Variants in TIAM1 observed in about 807,000 individuals in gnomAD.
TIAM1 encodes the protein TIAM Rac1 associated GEF 1, also known as rho guanine nucleotide exchange factor TIAM1.
In TIAM1, 65 loss-of-function variants were observed where a neutral mutation model predicts 163.5. That is an observed-to-expected ratio of 0.40 (90% confidence interval 0.33 to 0.49). The LOEUF is 0.49. Ranked by LOEUF, TIAM1 falls within the 20% of genes least tolerant of loss-of-function variation. The pLI is 0.77. For missense variants in TIAM1, 1,789 were observed against 2,044.7 expected (o/e 0.87, Z 2.41); for synonymous variants, 833 against 810.1 (o/e 1.03, Z -0.48).
At chr21:31,465,940 T>A (rs2045516306) in intron 1 of TIAM1, among the ~76,000 whole-genome samples, 1 of 152,164 alleles carries the variant, frequency 6.6e-6, no homozygotes, top group Admixed American at 6.5e-5. Flanking sequence ...TCTCCTGACC[T>A]TGTGATCCGC....
At chr21:31,400,656 C>T (rs1313354192) in intron 2 of TIAM1, among the ~76,000 whole-genome samples, 4 of 152,188 alleles carry the variant, frequency 2.6e-5, no homozygotes, top group Non-Finnish European at 5.9e-5. Flanking sequence ...CAAAGAACTT[C>T]GTTACCAAAG....
At chr21:31,320,488 T>C (rs1214024235) in intron 2 of TIAM1, among the ~76,000 whole-genome samples, 1 of 152,100 alleles carries the variant, frequency 6.6e-6, no homozygotes, top group African/African-American at 2.4e-5. Flanking sequence ...TGAATATCAT[T>C]AGTCAAAAAA....
chr21:31,129,146 C>T (rs1361817828), intron 25 of TIAM1, among the ~76,000 whole-genome samples: 1 of 152,216 alleles, frequency 6.6e-6, no homozygotes, highest in East Asian at 1.9e-4. Flanking sequence ...TTCCATTTGA[C>T]TCTCCAGAGA....
At chr21:31,440,852 G>A (rs772605694) in intron 2 of TIAM1, among the ~76,000 whole-genome samples, 1 of 152,208 alleles carries the variant, frequency 6.6e-6, no homozygotes, top group African/African-American at 2.4e-5. Flanking sequence ...TTGCACTCCA[G>A]CCTGGCAACA....
chr21:31,470,136 CT>C (rs1387718528), intron 1 of TIAM1, among the ~76,000 whole-genome samples: 11 of 150,360 alleles, frequency 7.3e-5, no homozygotes, highest in Admixed American at 6.6e-4. Flanking sequence ...TCTCAAGTAG[CT>C]GGGACTACAG....
chr21:31,422,243 T>C (rs957494727), intron 2 of TIAM1, among the ~76,000 whole-genome samples: 6 of 152,168 alleles, frequency 3.9e-5, no homozygotes, highest in Non-Finnish European at 1.5e-5. Flanking sequence ...AGAGGGATTA[T>C]TGAGAGGAGA....
At chr21:31,213,866 C>CAAAAAAAAAAAAAAAAAAAAAAA (rs35524539) in intron 9 of TIAM1, among the ~76,000 whole-genome samples, 2 of 54,848 alleles carry the variant, frequency 3.6e-5, no homozygotes, top group African/African-American at 1.2e-4. Context: ...CTCATCTCTA[C>CAAAAAAAAAAAAAAAAAAAAAAA]AAAAAAAAAA....
intron 2 of TIAM1, among the ~76,000 whole-genome samples, chr21:31,390,164 T>C (rs1295830443): frequency 1.3e-5 from 2 of 152,220 alleles, no homozygotes; most frequent in African/African-American, 2.4e-5. Flanking sequence ...TGCAGTATTA[T>C]GGACATAATG....
At chr21:31,307,903 G>A (rs2074777067) in intron 2 of TIAM1, among the ~76,000 whole-genome samples, 2 of 152,108 alleles carry the variant, frequency 1.3e-5, no homozygotes, top group South Asian at 4.2e-4. Flanking sequence ...TAAAAGGATG[G>A]GGAGAAGAGA....
intron 2 of TIAM1, among the ~76,000 whole-genome samples, chr21:31,436,442 T>C (rs144748500): frequency 6.6e-6 from 1 of 151,878 alleles, no homozygotes; most frequent in East Asian, 1.9e-4. Context: ...ACCTGGCCAA[T>C]ATGGTGAAAC....
chr21:31,323,173 A>C (rs933070386), intron 2 of TIAM1, among the ~76,000 whole-genome samples: 15 of 152,032 alleles, frequency 9.9e-5, no homozygotes, highest in African/African-American at 3.4e-4. Context: ...CTGTAGTCCC[A>C]GCTACTCGGG....
At chr21:31,495,498 A>ATGG in intron 1 of TIAM1, among the ~76,000 whole-genome samples, 1 of 152,308 alleles carries the variant, frequency 6.6e-6, no homozygotes, top group East Asian at 1.9e-4. Flanking sequence ...AGGAGCCTCC[A>ATGG]CGGCAGAGGA....
intron 1 of TIAM1, among the ~76,000 whole-genome samples, chr21:31,548,150 T>C (rs1490321372): frequency 1.4e-5 from 2 of 144,954 alleles, no homozygotes; most frequent in African/African-American, 5.1e-5. Context: ...TTTTTTTTTT[T>C]TTTTTTGCTG....
intron 4 of TIAM1, among the ~76,000 whole-genome samples, chr21:31,256,275 G>A (rs1455536350): frequency 1.3e-5 from 2 of 152,158 alleles, no homozygotes; most frequent in Non-Finnish European, 2.9e-5. Flanking sequence ...AATGCAATTA[G>A]CCAGAAAGTG....
In TIAM1 at chr21:31,141,568, C is replaced by T; in HGVS notation, c.3476-64G>A. On this transcript the variant is annotated intron_variant, in intron 20 of 27. Transcript: ENST00000541036. The surrounding 1 kb of genome is among the most constrained non-coding windows in gnomAD (Gnocchi z 4.7). ...CCACGTGACTCCCTTCCCACAATTT[C>T]CCTCCCTTCCTCAGTGACTCCAAGG... is the stretch of plus-strand genomic sequence containing the variant. The T allele has an allele frequency of 5.7e-6, 9 of 1,570,764 alleles. No homozygotes were observed. Among genetic ancestry groups the T allele is most frequent in the Non-Finnish European group, 7.8e-6 (9 of 1,155,044 alleles).
At chr21:31,298,835 G>A (rs1043392749) in intron 2 of TIAM1, among the ~76,000 whole-genome samples, 19 of 143,516 alleles carry the variant, frequency 1.3e-4, no homozygotes, top group East Asian at 6.2e-4. Flanking sequence ...AAAAACAGAT[G>A]GAGAGAGAAC....
At chr21:31,416,128 C>T (rs1000478808) in intron 2 of TIAM1, among the ~76,000 whole-genome samples, 1 of 151,214 alleles carries the variant, frequency 6.6e-6, no homozygotes, top group Non-Finnish European at 1.5e-5. Context: ...GGGGCTCTCT[C>T]TTCTCCCCTC....
chr21:31,252,217 A>T (rs368709387), intron 4 of TIAM1, 28 bp from the exon 5 acceptor site: 2 of 1,588,018 alleles, frequency 1.3e-6, no homozygotes, highest in African/African-American at 2.7e-5. Context: ...AGAGCAAAGA[A>T]GACAAGCGTC....
chr21:31,498,520 T>A (rs1329132073), intron 1 of TIAM1, among the ~76,000 whole-genome samples: 1 of 152,180 alleles, frequency 6.6e-6, no homozygotes, highest in Non-Finnish European at 1.5e-5. Context: ...CAGTCTCTAG[T>A]GCTTTGGGGA....
Sources: gnomAD v4.1 joint callset for allele counts (sites outside exome capture counted in the v4.1 genomes callset) on GRCh38, gnomAD v4.1.1 for gene constraint, Gnocchi (gnomAD v3.1) non-coding constraint, MANE v1.5 for transcripts, NCBI Gene and HGNC (gene_info 2026-07-23, HGNC 2026-07-21) for gene names.